DNAH5: variants seen among roughly 807,000 people sequenced by gnomAD.
DNAH5 encodes dynein axonemal heavy chain 5.
In DNAH5, 372 loss-of-function variants were observed where a neutral mutation model predicts 518.2. The ratio of observed to expected loss-of-function variants is 0.72; its 90% CI spans 0.66 to 0.78. The LOEUF is 0.78. Ranked by LOEUF, DNAH5 falls within the 30% of genes least tolerant of loss-of-function variation. DNAH5 has a pLI of 0.00. For synonymous variants in DNAH5, 2,039 were observed against 2,025.9 expected (o/e 1.01, Z -0.17); for missense variants, 5,523 against 5,687.0 (o/e 0.97, Z 0.93).
At chr5:13,789,156 A>T (rs544614729) in intron 50 of DNAH5, among the ~76,000 whole-genome samples, 1 of 152,212 alleles carries the variant, frequency 6.6e-6, no homozygotes, top group Non-Finnish European at 1.5e-5. Context: ...AATAATATTG[A>T]AAATTGCTCT....
intron 24 of DNAH5, among the ~76,000 whole-genome samples, chr5:13,868,228 C>T (rs1769568005): frequency 6.6e-6 from 1 of 152,110 alleles, no homozygotes; most frequent in African/African-American, 2.4e-5. Context: ...ATCTTTGAGA[C>T]TATTGAAAAA....
rs144654628 is a variant in DNAH5 at position 13,906,500 on chromosome 5, C to T, written c.1645-4362G>A. Among the ~76,000 whole-genome samples the T allele has an allele frequency of 1.2e-3, 180 of 152,266 alleles. 2 individuals are homozygous for T. The highest frequency in any genetic ancestry group is 3.9e-3 in the African/African-American group (162 of 41,550). ...CCCAATTAAAAGTGTGATATAGTGA[C>T]ATCAAAAGACCCCAAATCCAGACAG... On this transcript the variant is annotated intron_variant, in intron 12 of 78. Coordinates refer to ENST00000265104, the MANE Select transcript of DNAH5 (RefSeq NM_001369.3).
chr5:13,841,249 C>A, intron 33 of DNAH5, 119 bp from the exon 34 acceptor site: 1 of 790,532 alleles, frequency 1.3e-6, no homozygotes, highest in Non-Finnish European at 2.1e-6. Flanking sequence ...ATTACATCAA[C>A]TTTGATACCT....
chr5:13,751,006 A>G lies in DNAH5; in HGVS notation c.11211+72T>C. ...GAAACTCAGTCCTATTACAACTGTT[A>G]TTATCTTATTTTTGTCAATGAAATA... On this transcript the variant is annotated intron_variant, in intron 65 of 78. Transcript: ENST00000265104. 4.0e-6 allele frequency: 6 copies of G among 1,502,708 alleles called. No individual in the cohort carries two copies. The South Asian group carries it at 5.7e-5, about 14-fold the overall frequency. The allele number at this position is 1,502,708 out of a possible 1,614,324, so 93.1% of individuals were successfully genotyped here. A position where few individuals can be genotyped will look rare whatever the true frequency, so the allele number is the denominator to read the frequency against.
rs996929950 is a variant in DNAH5, at chr5:13,870,994, T to G, written c.3607A>C (p.Lys1203Gln). Residue 1203 changes from lysine (K) to glutamine (Q), a missense_variant, in exon 24 of 79, where the codon AAG becomes CAG. Physicochemically the swap from Lys to Gln is moderately conservative, Grantham distance 53. Around this residue, in one of 3 missense-constraint regions of DNAH5, gnomAD observed 5,121 missense variants for 5,223.3 expected, o/e 0.98. Transcript: ENST00000265104. ...TTTGTCTCAGCAGTCAGGGCGAACT[T>G]CAAGTCAGCTGTAAAAACCCAAATG... ...GSIALYTADL[K>Q]FALTAETKAW... The G allele has an allele frequency of 1.9e-6, 3 of 1,613,084 alleles. No homozygotes were observed. In the Admixed American group the frequency reaches 5.0e-5, roughly 27 times the overall value.
chr5:13,986,042 C>T (rs769598992), intron 1 of DNAH5, among the ~76,000 whole-genome samples: 34 of 152,334 alleles, frequency 2.2e-4, no homozygotes, highest in Admixed American at 9.8e-4. Flanking sequence ...CCCTGCTGTA[C>T]TCCTTGGCCT....
intron 65 of DNAH5, among the ~76,000 whole-genome samples, chr5:13,744,442 C>T (rs1483993524): frequency 2.6e-5 from 4 of 151,804 alleles, no homozygotes; most frequent in Non-Finnish European, 5.9e-5. Context: ...GATGACTGTA[C>T]TTAATGATTA....
intron 76 of DNAH5, among the ~76,000 whole-genome samples, chr5:13,706,337 T>C (rs560553490): frequency 8.5e-5 from 13 of 152,168 alleles, no homozygotes; most frequent in South Asian, 2.1e-4. Flanking sequence ...GAAGTGAAAA[T>C]CTAGGGAGCA....
In DNAH5 at chr5:13,960,219, G is replaced by T. The variant is rs1315789229; in HGVS notation, c.13-28975C>A. Among the ~76,000 whole-genome samples, 4 of 152,206 alleles carry T rather than the reference G, an allele frequency of 2.6e-5. No homozygotes were observed. The East Asian group carries it at 7.7e-4, about 29-fold the overall frequency. On this transcript the variant is annotated intron_variant, in intron 1 of 78. Transcript: ENST00000681290. The stretch of plus-strand genomic sequence containing the variant: ...ATTGTTGAGTTAGGTTACTCTGGTG[G>T]AGCAAATGCAAGAAGCAAGGTGAGG...
At position 13,809,160 on chromosome 5, in the gene DNAH5, T is replaced by A. The variant is rs1760177295; in HGVS notation, c.7636A>T (p.Thr2546Ser). 2.5e-6 allele frequency: 4 copies of A among 1,614,202 alleles called. No homozygotes were observed. Among genetic ancestry groups the A allele is most frequent in the Middle Eastern group, 3.3e-4 (2 of 6,062 alleles). Residue 2546 changes from threonine to serine, a missense_variant, in exon 46 of 79, where the codon ACC becomes TCC. Coordinates refer to ENST00000265104, the MANE Select transcript of DNAH5 (RefSeq NM_001369.3). ...DGTWTHWNTR[T>S]QEYLYPSDTT... is the part of the protein sequence containing the mutation. ...TCAGACGGATACAGGTATTCCTGGGTACGCGTGTTCCAGTGCGTCCATGTA... is the reference window on the plus strand; with the variant it reads ...TCAGACGGATACAGGTATTCCTGGGAACGCGTGTTCCAGTGCGTCCATGTA...
At chr5:13,769,749 G>C (rs1753070624) in intron 56 of DNAH5, 134 bp from the exon 57 acceptor site, 5 of 768,336 alleles carry the variant, frequency 6.5e-6, no homozygotes, top group South Asian at 4.3e-5. Context: ...ACCCAAGAGG[G>C]CTTAGCAAAA....
intron 55 of DNAH5, chr5:13,771,269 C>T: frequency 2.4e-6 from 1 of 420,108 alleles, no homozygotes; most frequent in Non-Finnish European, 4.4e-6. Flanking sequence ...TTCTGGTCAG[C>T]AGCCAACCTG....
chr5:13,858,407 G>A (rs1580618693), intron 30 of DNAH5, among the ~76,000 whole-genome samples: 2 of 152,198 alleles, frequency 1.3e-5, no homozygotes, highest in Admixed American at 1.3e-4. Context: ...ATCACACACT[G>A]GGGCCTGTCA....
chr5:13,708,918 A>T (rs996108284), intron 75 of DNAH5, among the ~76,000 whole-genome samples: 10 of 152,002 alleles, frequency 6.6e-5, no homozygotes, highest in African/African-American at 2.2e-4. Context: ...AAGGCTGGAG[A>T]CTCTTCTAAC....
intron 70 of DNAH5, among the ~76,000 whole-genome samples, chr5:13,721,857 C>A (rs983060454): frequency 1.4e-4 from 21 of 152,028 alleles, no homozygotes; most frequent in African/African-American, 4.8e-4. Context: ...TTATTACAAC[C>A]ATAGAAAAAA....
intron 1 of DNAH5, among the ~76,000 whole-genome samples, chr5:13,957,863 G>GA (rs532601007): frequency 1.7e-4 from 26 of 151,238 alleles, no homozygotes; most frequent in Admixed American, 1.1e-3. Context: ...TTGGAAAATA[G>GA]AAAAAATCAC....
rs142373364 is a variant in DNAH5 at position 13,901,256 on chromosome 5, C to T, written c.2048G>A (p.Arg683Gln). Residue 683 changes from arginine to glutamine, a missense_variant, in exon 14 of 79, where the codon CGG becomes CAG. By Grantham distance (43) the Arg-to-Gln change is conservative (BLOSUM62 1). Around this residue, in one of 3 missense-constraint regions of DNAH5, gnomAD observed 5,121 missense variants for 5,223.3 expected, o/e 0.98. Coordinates refer to ENST00000265104, the MANE Select transcript of DNAH5 (RefSeq NM_001369.3). ...FEVLFHRAWL[R>Q]QIEEIHVGLE... ...AGTATAAATTTAGGGACTCACTTGC[C>T]GAAGCCACGCCCTGTGGAAGAGGAC... is the stretch of plus-strand genomic sequence containing the variant. The T allele has an allele frequency of 3.1e-5, 50 of 1,613,434 alleles. No homozygotes were observed. The highest frequency in any genetic ancestry group is 1.6e-4 in the Middle Eastern group (1 of 6,084).
chr5:13,790,297 T>C (rs1228764903), intron 50 of DNAH5, among the ~76,000 whole-genome samples: 1 of 152,176 alleles, frequency 6.6e-6, no homozygotes, highest in Non-Finnish European at 1.5e-5. Flanking sequence ...AGAATCAACC[T>C]AAATGCTCAT....
intron 31 of DNAH5, among the ~76,000 whole-genome samples, chr5:13,849,066 T>A (rs909788041): frequency 2.6e-5 from 4 of 152,372 alleles, no homozygotes; most frequent in South Asian, 2.1e-4. Context: ...GACTTTTTTT[T>A]ATATACTTTA....
Sources: gnomAD v4.1 joint callset for allele counts (sites outside exome capture counted in the v4.1 genomes callset) on GRCh38, gnomAD v4.1.1 for gene constraint, gnomAD v4.1.1 regional missense constraint, MANE v1.5 for transcripts, NCBI Gene and HGNC (gene_info 2026-07-23, HGNC 2026-07-21) for gene names.